Variants in NXPH2 observed in about 807,000 individuals in gnomAD.
NXPH2 encodes neurexophilin-2.
A neutral mutation model predicts 19.8 loss-of-function variants in NXPH2; 5 were observed. The observed-to-expected ratio is 0.25, with a 90% CI of 0.13 to 0.53. The LOEUF (loss-of-function observed/expected upper bound fraction) is 0.53, where lower values mean the gene tolerates loss of function less well. NXPH2 is among the 20% of genes least tolerant of loss of function. The probability of loss-of-function intolerance (pLI) is 0.96; values close to 1 mark genes in which losing one functional copy is unlikely to be tolerated. For missense variants in NXPH2, 289 were observed against 322.8 expected (o/e 0.90, Z 0.80); for synonymous variants, 154 against 127.4 (o/e 1.21, Z -1.41).
chr2:138,746,046 G>C lies in NXPH2; in HGVS notation c.51+34145C>G, dbSNP rs138790296. The stretch of plus-strand genomic sequence containing the variant: ...GTCGTGGGGAGAGGAGACAAGGAAG[G>C]TGGCAGCACACAGGGGAATTCGTCG... On this transcript the variant is annotated intron_variant, in intron 1 of 1. Coordinates refer to ENST00000272641, the MANE Select transcript of NXPH2 (RefSeq NM_007226.3). 2.6e-5 allele frequency among the ~76,000 whole-genome samples: 4 copies of C among 152,280 alleles called. No individual in the cohort carries two copies. The East Asian group carries it at 7.7e-4, about 29-fold the overall frequency.
intron 1 of NXPH2, among the ~76,000 whole-genome samples, chr2:138,744,833 T>A (rs1681700671): frequency 6.6e-6 from 1 of 152,168 alleles, no homozygotes; most frequent in Admixed American, 6.5e-5. Context: ...AGACAAAGGA[T>A]CTCTGAGTGT....
intron 1 of NXPH2, among the ~76,000 whole-genome samples, chr2:138,738,880 G>C (rs1350656827): frequency 2.0e-5 from 3 of 152,184 alleles, no homozygotes; most frequent in Non-Finnish European, 4.4e-5. Flanking sequence ...TTCTTTGGAG[G>C]TGGACAGGCC....
intron 1 of NXPH2, among the ~76,000 whole-genome samples, chr2:138,689,728 C>T (rs951048940): frequency 1.3e-5 from 2 of 152,114 alleles, no homozygotes; most frequent in African/African-American, 2.4e-5. Flanking sequence ...TAATATCTAG[C>T]GGAATAGCCC....
At chr2:138,716,883 G>A (rs754992701) in intron 1 of NXPH2, among the ~76,000 whole-genome samples, 1 of 152,130 alleles carries the variant, frequency 6.6e-6, no homozygotes. Flanking sequence ...AAATTGAAGG[G>A]CAATTGGTTG....
At chr2:138,682,340 G>A (rs1486082530) in intron 1 of NXPH2, among the ~76,000 whole-genome samples, 1 of 152,094 alleles carries the variant, frequency 6.6e-6, no homozygotes, top group Non-Finnish European at 1.5e-5. Flanking sequence ...GCATCTGCCG[G>A]ACAGCATACA....
intron 1 of NXPH2, among the ~76,000 whole-genome samples, chr2:138,697,804 A>G (rs1680850772): frequency 6.6e-6 from 1 of 152,090 alleles, no homozygotes; most frequent in African/African-American, 2.4e-5. Context: ...AATAATATTA[A>G]CATTTAATAA....
intron 1 of NXPH2, among the ~76,000 whole-genome samples, chr2:138,676,264 C>T (rs150897910): frequency 5.3e-4 from 80 of 152,184 alleles, no homozygotes; most frequent in Non-Finnish European, 4.4e-5. Flanking sequence ...ATTTTATCTC[C>T]CCTCCCAACT....
At chr2:138,732,271 A>G (rs1222212674) in intron 1 of NXPH2, among the ~76,000 whole-genome samples, 1 of 152,208 alleles carries the variant, frequency 6.6e-6, no homozygotes, top group Non-Finnish European at 1.5e-5. Flanking sequence ...AATCCAGTAG[A>G]GAAAACTGGC....
At chr2:138,713,077 A>C (rs2104988948) in intron 1 of NXPH2, among the ~76,000 whole-genome samples, 1 of 152,320 alleles carries the variant, frequency 6.6e-6, no homozygotes, top group South Asian at 2.1e-4. Context: ...GTCTTCAGTA[A>C]TTGACTATAG....
At chr2:138,758,433 T>A (rs560786864) in intron 1 of NXPH2, among the ~76,000 whole-genome samples, 1 of 152,282 alleles carries the variant, frequency 6.6e-6, no homozygotes, top group African/African-American at 2.4e-5. Context: ...GGGAAGTAAT[T>A]GAGCTTTCAT....
intron 1 of NXPH2, among the ~76,000 whole-genome samples, chr2:138,745,613 A>C (rs1681718394): frequency 6.6e-6 from 1 of 152,192 alleles, no homozygotes; most frequent in Non-Finnish European, 1.5e-5. Flanking sequence ...GAGCATCAAT[A>C]AGAGAATCAA....
chr2:138,686,144 A>AC (rs1680647142), intron 1 of NXPH2, among the ~76,000 whole-genome samples: 2 of 152,226 alleles, frequency 1.3e-5, no homozygotes. Flanking sequence ...AAAGCAGTCA[A>AC]CCAGGAAATA....
chr2:138,675,098 CATA>C (rs1402920951), intron 1 of NXPH2, among the ~76,000 whole-genome samples: 5 of 152,160 alleles, frequency 3.3e-5, no homozygotes, highest in African/African-American at 4.8e-5. Context: ...CTTTATATAT[CATA>C]ATATCAATTG....
intron 1 of NXPH2, among the ~76,000 whole-genome samples, chr2:138,779,929 C>T (rs1573988447): frequency 6.6e-6 from 1 of 152,174 alleles, no homozygotes; most frequent in Non-Finnish European, 1.5e-5. Flanking sequence ...GACCTACTTC[C>T]CGGCCACCTT....
intron 1 of NXPH2, among the ~76,000 whole-genome samples, chr2:138,688,798 T>A (rs137895519): frequency 6.6e-6 from 1 of 152,268 alleles, no homozygotes; most frequent in East Asian, 1.9e-4. Context: ...AAGTGTCTCT[T>A]GACATCCTGA....
chr2:138,683,863 G>A (rs899622626), intron 1 of NXPH2, among the ~76,000 whole-genome samples: 4 of 152,110 alleles, frequency 2.6e-5, no homozygotes, highest in African/African-American at 9.7e-5. Flanking sequence ...ACATAGTACA[G>A]TATTTCACTT....
In NXPH2 at chr2:138,676,634, T is replaced by C. The variant is rs551360769; in HGVS notation, c.52-4969A>G. On this transcript the variant is annotated intron_variant, in intron 1 of 1. Transcript: ENST00000272641. ...ACCTACATCTCCTTTGCTGTTTGGC[T>C]GTAAGGACTAAAAGAATGGACGGAA... 3.3e-5 allele frequency among the ~76,000 whole-genome samples: 5 copies of C among 152,318 alleles called. No homozygotes were observed. In the East Asian group the frequency reaches 9.6e-4, roughly 29 times the overall value.
At chr2:138,693,647 G>T (rs1573956580) in intron 1 of NXPH2, among the ~76,000 whole-genome samples, 1 of 151,968 alleles carries the variant, frequency 6.6e-6, no homozygotes, top group South Asian at 2.1e-4. Flanking sequence ...AGCTGTATTG[G>T]TGTACCAGCA....
chr2:138,687,579 C>T (rs1175247625), intron 1 of NXPH2, among the ~76,000 whole-genome samples: 1 of 152,126 alleles, frequency 6.6e-6, no homozygotes, highest in Non-Finnish European at 1.5e-5. Context: ...TCAATTTTGG[C>T]TTTTGTTTCT....
Sources: gnomAD v4.1 joint callset for allele counts (sites outside exome capture counted in the v4.1 genomes callset) on GRCh38, gnomAD v4.1.1 for gene constraint, MANE v1.5 for transcripts, NCBI Gene and HGNC (gene_info 2026-07-23, HGNC 2026-07-21) for gene names.